H2BN1: variants seen among roughly 807,000 people sequenced by gnomAD.
The protein encoded by H2BN1 is H2B.N variant histone 1, also known as histone H2B.N.
At chr17:32,899,977 G>A in the H2BN1 span, among the ~76,000 whole-genome samples, 1 of 152,184 alleles carries the variant, frequency 6.6e-6, no homozygotes, top group Non-Finnish European at 1.5e-5. Flanking sequence ...ATCTGTTAGA[G>A]CTTTATGGTT....
the H2BN1 span, among the ~76,000 whole-genome samples, chr17:32,896,403 T>C: frequency 6.0e-4 from 91 of 152,246 alleles, 1 homozygote; most frequent in Admixed American, 3.0e-3. Context: ...CCCCGTGGCA[T>C]AAGAAATTGG....
the H2BN1 span, among the ~76,000 whole-genome samples, chr17:32,895,909 T>G: frequency 6.6e-6 from 1 of 152,090 alleles, no homozygotes; most frequent in Non-Finnish European, 1.5e-5. Context: ...TCTTTTTCCT[T>G]TTTTTTGAGA....
the H2BN1 span, among the ~76,000 whole-genome samples, chr17:32,896,286 T>C: frequency 3.9e-5 from 6 of 152,164 alleles, no homozygotes; most frequent in South Asian, 1.2e-3. Context: ...GTTTTGTAAC[T>C]TTGAAGAGTG....
the H2BN1 span, among the ~76,000 whole-genome samples, chr17:32,902,406 AG>A: frequency 1.3e-5 from 2 of 152,240 alleles, no homozygotes; most frequent in African/African-American, 4.8e-5. Flanking sequence ...TTTGAAACAA[AG>A]ATGATAACAA....
the H2BN1 span, among the ~76,000 whole-genome samples, chr17:32,902,615 C>T: frequency 3.8e-4 from 58 of 152,202 alleles, no homozygotes; most frequent in African/African-American, 8.4e-4. Flanking sequence ...CCGAGGCAGG[C>T]GGATCACAAG....
At chr17:32,895,921 G>A in the H2BN1 span, among the ~76,000 whole-genome samples, 10 of 151,748 alleles carry the variant, frequency 6.6e-5, no homozygotes, top group Non-Finnish European at 1.3e-4. Context: ...TTTTTGAGAT[G>A]GGGTCTTGCT....
the H2BN1 span, among the ~76,000 whole-genome samples, chr17:32,901,307 G>A: frequency 6.6e-6 from 1 of 152,060 alleles, no homozygotes; most frequent in East Asian, 1.9e-4. Context: ...AAAAAACCTT[G>A]TTAATCTGAC....
At chr17:32,899,661 T>A in the H2BN1 span, among the ~76,000 whole-genome samples, 2,156 of 152,344 alleles carry the variant, frequency 0.014, 45 homozygotes, top group African/African-American at 0.047. Context: ...TTAAGAATAC[T>A]CATAAATAGT....
chr17:32,899,346 G>A, the H2BN1 span, among the ~76,000 whole-genome samples: 1 of 152,220 alleles, frequency 6.6e-6, no homozygotes, highest in Non-Finnish European at 1.5e-5. Flanking sequence ...TGAGTTGAGT[G>A]AATTCTTCTC....
chr17:32,899,454 G>C, the H2BN1 span, among the ~76,000 whole-genome samples: 6 of 152,234 alleles, frequency 3.9e-5, no homozygotes, highest in African/African-American at 1.4e-4. Context: ...CCTGTACAGG[G>C]ACTGTGTCAA....
At chr17:32,903,128 A>T in the H2BN1 span, among the ~76,000 whole-genome samples, 1 of 151,852 alleles carries the variant, frequency 6.6e-6, no homozygotes, top group South Asian at 2.1e-4. Flanking sequence ...AAAGTATTTG[A>T]TTCAAGTGTT....
the H2BN1 span, among the ~76,000 whole-genome samples, chr17:32,899,559 C>T: frequency 6.6e-6 from 1 of 152,146 alleles, no homozygotes. Flanking sequence ...AGTCAAAAGT[C>T]TTGGTAAAAT....
chr17:32,897,508 A>G, the H2BN1 span, among the ~76,000 whole-genome samples: 1 of 152,164 alleles, frequency 6.6e-6, no homozygotes, highest in African/African-American at 2.4e-5. Flanking sequence ...GCTTATTTTT[A>G]CTACTCTGGT....
At chr17:32,901,151 G>A in the H2BN1 span, among the ~76,000 whole-genome samples, 1 of 152,002 alleles carries the variant, frequency 6.6e-6, no homozygotes, top group African/African-American at 2.4e-5. Context: ...AGGTTGCACT[G>A]AGCCATTATC....
the H2BN1 span, among the ~76,000 whole-genome samples, chr17:32,904,749 A>C: frequency 4.6e-5 from 7 of 151,228 alleles, no homozygotes; most frequent in African/African-American, 7.4e-5. Context: ...GAAGAAAAGT[A>C]AATGAAAGAA....
chr17:32,905,178 C>G, the H2BN1 span, among the ~76,000 whole-genome samples: 1 of 152,206 alleles, frequency 6.6e-6, no homozygotes, highest in Non-Finnish European at 1.5e-5. Context: ...ACCTGCCTTC[C>G]ATCGTCCTGT....
chr17:32,897,598 G>C, the H2BN1 span, among the ~76,000 whole-genome samples: 1 of 152,196 alleles, frequency 6.6e-6, no homozygotes. Flanking sequence ...GAGTGCCAAT[G>C]TTCTCAGTGG....
chr17:32,902,508 A>G, the H2BN1 span, among the ~76,000 whole-genome samples: 88,132 of 152,076 alleles, frequency 0.58, 25,728 homozygotes, highest in Admixed American at 0.67. Context: ...AATTCAAGAT[A>G]TAGTTTTTTA....
At chr17:32,902,858 T>C in the H2BN1 span, among the ~76,000 whole-genome samples, 1 of 151,624 alleles carries the variant, frequency 6.6e-6, no homozygotes, top group African/African-American at 2.4e-5. Context: ...AAAAAGAAAT[T>C]ACACAAGCAA....
Sources: gnomAD v4.1 joint callset for allele counts (sites outside exome capture counted in the v4.1 genomes callset) on GRCh38, gnomAD v4.1.1 for gene constraint, MANE v1.5 for transcripts, NCBI Gene and HGNC (gene_info 2026-07-23, HGNC 2026-07-21) for gene names.